The following FHIT variants were observed in gnomAD, a reference collection of about 807,000 sequenced individuals.
FHIT encodes the protein fragile histidine triad diadenosine triphosphatase.
Under a neutral mutation model 17.9 loss-of-function variants are expected in FHIT, and 19 were observed. That is an observed-to-expected ratio of 1.06 (90% CI 0.74 to 1.56). FHIT has a LOEUF of 1.56. FHIT is among the 40% of genes most tolerant of loss of function. The pLI is 0.00. For missense variants in FHIT, 248 were observed against 189.2 expected, an observed-to-expected ratio of 1.31 and a Z score of -1.82; for synonymous variants, 81 against 69.7, an observed-to-expected ratio of 1.16 and a Z score of -0.81.
At chr3:60,837,347 AATT>A (rs1333437871) in intron 3 of FHIT, among the ~76,000 whole-genome samples, 2 of 152,110 alleles carry the variant, frequency 1.3e-5, no homozygotes, top group African/African-American at 4.8e-5. Flanking sequence ...CAATATTGGT[AATT>A]TGTGTCTTTT....
At chr3:60,980,061 A>C (rs954737861) in intron 3 of FHIT, among the ~76,000 whole-genome samples, 2 of 152,124 alleles carry the variant, frequency 1.3e-5, no homozygotes, top group African/African-American at 4.8e-5. Flanking sequence ...AAATTCATCT[A>C]CTCAAAAGCT....
intron 4 of FHIT, among the ~76,000 whole-genome samples, chr3:60,683,208 A>T (rs559261103): frequency 2.1e-4 from 32 of 152,340 alleles, no homozygotes; most frequent in African/African-American, 6.7e-4. Context: ...TATTACATAA[A>T]CTTAGTTGAT....
intron 8 of FHIT, among the ~76,000 whole-genome samples, chr3:59,875,342 C>T (rs1377432451): frequency 6.6e-6 from 1 of 152,184 alleles, no homozygotes; most frequent in Non-Finnish European, 1.5e-5. Flanking sequence ...TCTAGGTTTC[C>T]ATCTCCCAGG....
intron 3 of FHIT, among the ~76,000 whole-genome samples, chr3:60,922,386 G>A (rs1471301855): frequency 2.6e-5 from 4 of 152,094 alleles, no homozygotes; most frequent in Non-Finnish European, 5.9e-5. Context: ...TGGGTGCTTG[G>A]CAAATCAGCC....
intron 4 of FHIT, among the ~76,000 whole-genome samples, chr3:60,707,532 C>T (rs2041404687): frequency 6.6e-6 from 1 of 152,238 alleles, no homozygotes; most frequent in African/African-American, 2.4e-5. Flanking sequence ...GGCTCTAGAA[C>T]TGTCTTCCAG....
chr3:60,936,269 C>T (rs1708186653), intron 3 of FHIT, among the ~76,000 whole-genome samples: 4 of 152,160 alleles, frequency 2.6e-5, no homozygotes, highest in Admixed American at 2.6e-4. Flanking sequence ...TGAACTTGCC[C>T]TCCAAGTCAT....
intron 5 of FHIT, among the ~76,000 whole-genome samples, chr3:60,345,310 C>G (rs1338600352): frequency 6.6e-6 from 1 of 152,128 alleles, no homozygotes; most frequent in Non-Finnish European, 1.5e-5. Context: ...ACTAACTCAT[C>G]AATTAGAGAC....
rs541830542 is a variant in FHIT at position 60,823,186 on chromosome 3, A to G, written c.-110-1175T>C. Among the ~76,000 whole-genome samples, 3 of 152,280 alleles carry G rather than the reference A, an allele frequency of 2.0e-5. No homozygotes were observed. The South Asian group carries it at 6.2e-4, about 32-fold the overall frequency. ...CTGCCTACCTTCTGGTAGAGGAGAC[A>G]AACAAACAAAATACATATGTAAAAT... is the stretch of plus-strand genomic sequence containing the variant. On this transcript the variant is annotated intron_variant, in intron 3 of 9. Transcript: ENST00000492590.
intron 4 of FHIT, among the ~76,000 whole-genome samples, chr3:60,725,104 A>G (rs1291945960): frequency 6.6e-6 from 1 of 151,944 alleles, no homozygotes; most frequent in African/African-American, 2.4e-5. Flanking sequence ...GTCTATTCAG[A>G]CCTATTTGCC....
At chr3:61,012,616 T>C (rs2107626344) in intron 3 of FHIT, among the ~76,000 whole-genome samples, 1 of 151,964 alleles carries the variant, frequency 6.6e-6, no homozygotes, top group East Asian at 1.9e-4. Flanking sequence ...TAGGAATGAA[T>C]TAAAAAATCA....
At chr3:60,647,557 C>T (rs2039890408) in intron 4 of FHIT, among the ~76,000 whole-genome samples, 1 of 152,138 alleles carries the variant, frequency 6.6e-6, no homozygotes, top group South Asian at 2.1e-4. Flanking sequence ...TCCTCTGCCC[C>T]TTGATCTGAC....
At chr3:60,367,232 T>C (rs1372950687) in intron 5 of FHIT, among the ~76,000 whole-genome samples, 1 of 152,214 alleles carries the variant, frequency 6.6e-6, no homozygotes, top group African/African-American at 2.4e-5. Context: ...CAGGTAATAA[T>C]GCTGCCTGGA....
chr3:60,214,331 T>C (rs1484781918), intron 5 of FHIT, among the ~76,000 whole-genome samples: 1 of 152,150 alleles, frequency 6.6e-6, no homozygotes, highest in Non-Finnish European at 1.5e-5. Context: ...TCCTTTTACT[T>C]CACCAGGCTG....
intron 5 of FHIT, among the ~76,000 whole-genome samples, chr3:60,507,105 G>A (rs1211672601): frequency 6.6e-6 from 1 of 152,148 alleles, no homozygotes; most frequent in African/African-American, 2.4e-5. Context: ...GGAAAGAAAT[G>A]TGGTTCCATT....
chr3:60,031,682 T>C (rs1575932664), intron 5 of FHIT, among the ~76,000 whole-genome samples: 1 of 152,248 alleles, frequency 6.6e-6, no homozygotes, highest in East Asian at 1.9e-4. Context: ...CCATTTTAAA[T>C]CCCTAAAAAT....
At position 60,485,660 on chromosome 3, in the gene FHIT, G is replaced by A. The variant is rs1401110526; in HGVS notation, c.103+51200C>T. Among the ~76,000 whole-genome samples, 4 of 151,970 alleles carry A rather than the reference G, an allele frequency of 2.6e-5. No homozygotes were observed. In the South Asian group the frequency reaches 6.2e-4, roughly 24 times the overall value. On this transcript the variant is annotated intron_variant, in intron 5 of 9. Coordinates refer to ENST00000492590, the MANE Select transcript of FHIT (RefSeq NM_002012.4). ...CACACCAAGGCCTGTTGGGGGTGGG[G>A]GGCAAGGGGAGGGAACTTAGACAAC... is the stretch of plus-strand genomic sequence containing the variant.
intron 2 of FHIT, among the ~76,000 whole-genome samples, chr3:61,174,483 T>C (rs1321334032): frequency 2.0e-5 from 3 of 152,256 alleles, no homozygotes; most frequent in African/African-American, 7.2e-5. Flanking sequence ...GTATGGTTCA[T>C]CTGCGTTGGC....
At chr3:60,549,509 A>C (rs1483091419) in intron 4 of FHIT, among the ~76,000 whole-genome samples, 1 of 152,178 alleles carries the variant, frequency 6.6e-6, no homozygotes, top group Non-Finnish European at 1.5e-5. Flanking sequence ...AGTATATTGA[A>C]CTATTAAGGC....
At chr3:61,155,642 C>G (rs2107070500) in intron 2 of FHIT, among the ~76,000 whole-genome samples, 1 of 152,292 alleles carries the variant, frequency 6.6e-6, no homozygotes, top group East Asian at 1.9e-4. Flanking sequence ...AGACAGCATG[C>G]TACTTCATTC....
Sources: allele counts gnomAD v4.1 joint callset (sites outside exome capture counted in the v4.1 genomes callset), GRCh38; gene constraint gnomAD v4.1.1; transcripts MANE v1.5; gene names NCBI Gene and HGNC (gene_info 2026-07-23, HGNC 2026-07-21).